Variants in LAMA4 observed in about 807,000 individuals in gnomAD.
LAMA4 encodes the protein laminin subunit alpha-4.
A neutral mutation model predicts 207.1 loss-of-function variants in LAMA4; 127 were observed. That is an observed-to-expected ratio of 0.61 (90% CI 0.53 to 0.71). The LOEUF is 0.71. Ranked by LOEUF, LAMA4 falls within the 30% of genes least tolerant of loss-of-function variation. The pLI is 0.00. For missense variants in LAMA4, 2,093 were observed against 2,246.5 expected, an observed-to-expected ratio of 0.93 and a Z score of 1.38; for synonymous variants, 761 against 816.0, an observed-to-expected ratio of 0.93 and a Z score of 1.15.
At chr6:112,235,324 A>AT (rs1358118728) in intron 2 of LAMA4, among the ~76,000 whole-genome samples, 6 of 152,104 alleles carry the variant, frequency 3.9e-5, no homozygotes, top group Non-Finnish European at 7.4e-5. Flanking sequence ...TATTATATAT[A>AT]TTTTTTTGCT....
In LAMA4 at chr6:112,121,879, G is replaced by A. The variant is rs944418590; in HGVS notation, c.4475+135C>T. Reference sequence around the variant, plus strand: ...TAGCATAAATCATGTACTATTTAGTGTTTATTTTGGTGATAACATAATAGG... The same window carrying A: ...TAGCATAAATCATGTACTATTTAGTATTTATTTTGGTGATAACATAATAGG... On this transcript the variant is annotated intron_variant, in intron 32 of 38. Coordinates refer to ENST00000230538, the MANE Select transcript of LAMA4 (RefSeq NM_001105206.3). 6 of 755,648 alleles carry A rather than the reference G, an allele frequency of 7.9e-6. No individual in the cohort carries two copies. The African/African-American group carries it at 1.0e-4, about 13-fold the overall frequency. The allele number at this position is 755,648 out of a possible 1,614,324, so 46.8% of individuals were successfully genotyped here. A position where few individuals can be genotyped will look rare whatever the true frequency, so the allele number is the denominator to read the frequency against.
chr6:112,233,977 C>T (rs927877890), intron 2 of LAMA4, among the ~76,000 whole-genome samples: 40 of 152,140 alleles, frequency 2.6e-4, no homozygotes, highest in Non-Finnish European at 7.4e-5. Context: ...ATATTGGAGG[C>T]TTGCCCTAGT....
At chr6:112,243,836 T>C (rs1374849878) in intron 2 of LAMA4, among the ~76,000 whole-genome samples, 3 of 152,158 alleles carry the variant, frequency 2.0e-5, no homozygotes, top group African/African-American at 4.8e-5. Context: ...GGCAGGGGGA[T>C]TGCCTGAGGT....
chr6:112,180,751 G>A (rs1027642185), intron 9 of LAMA4, among the ~76,000 whole-genome samples: 5 of 152,082 alleles, frequency 3.3e-5, no homozygotes, highest in Non-Finnish European at 7.4e-5. Flanking sequence ...GCACATGAAA[G>A]GGAGAACTTT....
chr6:112,178,494 T>C (rs1782155333), intron 9 of LAMA4: 1 of 434,764 alleles, frequency 2.3e-6, no homozygotes, highest in African/African-American at 2.0e-5. Context: ...AGTTCTTTAG[T>C]GGTGATTTGT....
At chr6:112,156,552 C>T (rs1554337000) in intron 14 of LAMA4, among the ~76,000 whole-genome samples, 1 of 152,214 alleles carries the variant, frequency 6.6e-6, no homozygotes, top group Non-Finnish European at 1.5e-5. Context: ...CTAACCTCCA[C>T]TTCCGCAGTT....
At chr6:112,146,477 C>T (rs868924518) in intron 18 of LAMA4, among the ~76,000 whole-genome samples, 1 of 152,156 alleles carries the variant, frequency 6.6e-6, no homozygotes, top group South Asian at 2.1e-4. Flanking sequence ...TGTCCCGAGC[C>T]CACTGAATCA....
intron 2 of LAMA4, 48 bp downstream of exon 2, chr6:112,253,908 C>A: frequency 6.2e-7 from 1 of 1,613,222 alleles, no homozygotes; most frequent in Non-Finnish European, 8.5e-7. Context: ...GCACAGCCCG[C>A]GGGGGCGCAG....
chr6:112,239,321 CAAAAA>C (rs1202967086), intron 2 of LAMA4, among the ~76,000 whole-genome samples: 1 of 78,240 alleles, frequency 1.3e-5, no homozygotes, highest in African/African-American at 4.9e-5. Context: ...GACTCCATCT[CAAAAA>C]AAAAAAAAAA....
intron 19 of LAMA4, 111 bp downstream of exon 19, chr6:112,144,683 G>A: frequency 1.6e-6 from 2 of 1,258,244 alleles, no homozygotes; most frequent in East Asian, 2.3e-5. Context: ...GAACTACTGA[G>A]TTGGAGAATA....
intron 8 of LAMA4, 130 bp from the exon 9 acceptor site, chr6:112,185,477 C>T: frequency 1.5e-6 from 1 of 664,008 alleles, no homozygotes; most frequent in East Asian, 2.6e-5. Flanking sequence ...GTGGGGTCCG[C>T]AGGCTGCTGC....
chr6:112,178,245 C>A lies in LAMA4; in HGVS notation c.1078-13G>T. 1 of 1,562,006 alleles carries A rather than the reference C, an allele frequency of 6.4e-7. No individual in the cohort carries two copies. Among genetic ancestry groups the A allele is most frequent in the Non-Finnish European group, 8.8e-7 (1 of 1,132,972 alleles). ...AGGCTTGATTTTCCTACAAATAATC[C>A]GTATAAAGGCTAGATTAAATGTATG... On this transcript the variant is annotated splice_polypyrimidine_tract_variant and intron_variant, in intron 9 of 38. Transcript: ENST00000230538.
intron 9 of LAMA4, chr6:112,179,087 G>T (rs1782193415): frequency 6.6e-6 from 1 of 152,102 alleles, no homozygotes; most frequent in African/African-American, 2.4e-5. Flanking sequence ...GATGGCACTT[G>T]TGTACAAATA....
intron 10 of LAMA4, among the ~76,000 whole-genome samples, chr6:112,176,134 G>T (rs1266966545): frequency 6.6e-6 from 1 of 152,128 alleles, no homozygotes; most frequent in African/African-American, 2.4e-5. Flanking sequence ...CTTCTAGAGC[G>T]TGACTACTCT....
intron 2 of LAMA4, among the ~76,000 whole-genome samples, chr6:112,220,074 C>T (rs1784839954): frequency 6.6e-6 from 1 of 152,016 alleles, no homozygotes; most frequent in Non-Finnish European, 1.5e-5. Flanking sequence ...CCTTTAAATC[C>T]CAGAAAAAAA....
chr6:112,154,647 C>T (rs1291388728), intron 16 of LAMA4: 1 of 585,510 alleles, frequency 1.7e-6, no homozygotes, highest in African/African-American at 2.1e-5. Flanking sequence ...ATGTAGTTTA[C>T]TACATAGCAT....
intron 4 of LAMA4, among the ~76,000 whole-genome samples, chr6:112,205,045 G>C (rs1783979812): frequency 6.6e-6 from 1 of 152,182 alleles, no homozygotes; most frequent in Non-Finnish European, 1.5e-5. Context: ...CTGTTTATCA[G>C]TAAGTGTGTG....
chr6:112,226,074 T>C (rs934193695), intron 2 of LAMA4, among the ~76,000 whole-genome samples: 1 of 152,158 alleles, frequency 6.6e-6, no homozygotes, highest in Admixed American at 6.5e-5. Context: ...TTCCTCCTTG[T>C]TCCCAATACC....
chr6:112,129,750 A>G (rs1778916450), intron 30 of LAMA4, 126 bp downstream of exon 30: 1 of 789,896 alleles, frequency 1.3e-6, no homozygotes, highest in South Asian at 1.8e-5. Context: ...CAAGCACATA[A>G]AAGCTTTTAA....
Sources: gnomAD v4.1 joint callset for allele counts (sites outside exome capture counted in the v4.1 genomes callset) on GRCh38, gnomAD v4.1.1 for gene constraint, MANE v1.5 for transcripts, NCBI Gene and HGNC (gene_info 2026-07-23, HGNC 2026-07-21) for gene names.